The following KIAA1217 variants were observed in gnomAD, a reference collection of about 807,000 sequenced individuals.
The protein encoded by KIAA1217 is sickle tail protein homolog.
A neutral mutation model predicts 163.9 loss-of-function variants in KIAA1217; 88 were observed. The observed-to-expected ratio is 0.54, with a 90% CI of 0.45 to 0.64. The LOEUF (loss-of-function observed/expected upper bound fraction) is 0.64. KIAA1217 is among the 30% of genes least tolerant of loss of function. KIAA1217 has a pLI of 0.00. For missense variants in KIAA1217, 2,372 were observed against 2,475.0 expected, an observed-to-expected ratio of 0.96 and a Z score of 0.88; for synonymous variants, 903 against 923.1, an observed-to-expected ratio of 0.98 and a Z score of 0.39.
intron 1 of KIAA1217, among the ~76,000 whole-genome samples, chr10:23,791,296 A>G (rs186100014): frequency 1.2e-4 from 19 of 152,332 alleles, no homozygotes; most frequent in Non-Finnish European, 2.5e-4. Context: ...TGATAAGCCC[A>G]TATGTATACC....
chr10:24,093,303 TG>T (rs1445690811), intron 2 of KIAA1217, among the ~76,000 whole-genome samples: 1 of 151,788 alleles, frequency 6.6e-6, no homozygotes, highest in Non-Finnish European at 1.5e-5. Context: ...CCCTAGTAGC[TG>T]GGATTACAGG....
rs188791026 is a variant in KIAA1217, at chr10:23,781,949, C to A, written c.-321+86715C>A. 6.6e-5 allele frequency among the ~76,000 whole-genome samples: 10 copies of A among 152,146 alleles called. No individual in the cohort carries two copies. The East Asian group carries it at 1.4e-3, about 21-fold the overall frequency. On this transcript the variant is annotated intron_variant, in intron 1 of 18. Transcript: ENST00000376462. ...CTATGTGTCTGTTTTTATGCCAGTA[C>A]CACATTGTTTCAATCGCTATAGCTT... is the stretch of plus-strand genomic sequence containing the variant.
intron 2 of KIAA1217, among the ~76,000 whole-genome samples, chr10:24,256,787 G>A (rs893623252): frequency 3.3e-5 from 5 of 152,132 alleles, no homozygotes; most frequent in Non-Finnish European, 5.9e-5. Context: ...AGAGTGTTTC[G>A]TTCAGATATC....
intron 1 of KIAA1217, among the ~76,000 whole-genome samples, chr10:23,808,438 T>C (rs1184817491): frequency 1.3e-5 from 2 of 152,222 alleles, no homozygotes; most frequent in Non-Finnish European, 2.9e-5. Flanking sequence ...ACCATAGGAT[T>C]GTTGTATAAC....
chr10:23,889,795 C>T (rs1404111792), intron 1 of KIAA1217, among the ~76,000 whole-genome samples: 2 of 151,730 alleles, frequency 1.3e-5, no homozygotes, highest in Non-Finnish European at 2.9e-5. Context: ...TTGTTTTGTT[C>T]AGAAATACAA....
At chr10:24,065,651 A>G (rs1000419707) in intron 2 of KIAA1217, among the ~76,000 whole-genome samples, 3 of 152,194 alleles carry the variant, frequency 2.0e-5, no homozygotes, top group Non-Finnish European at 2.9e-5. Flanking sequence ...GTAGATGTCT[A>G]TTAGGTCTGA....
At chr10:24,225,020 G>GT (rs769954496) in intron 2 of KIAA1217, among the ~76,000 whole-genome samples, 46 of 151,980 alleles carry the variant, frequency 3.0e-4, no homozygotes, top group Admixed American at 5.9e-4. Flanking sequence ...TAGAGACGGG[G>GT]TTCACTGTGT....
At position 23,830,666 on chromosome 10, in the gene KIAA1217, A is replaced by G. The variant is rs192438870; in HGVS notation, c.-321+135432A>G. ...GACGATTGATAGAAAATGAGAAATCATAGGTAGGTAGGTAGGTAGGTAGGT... is the reference window on the plus strand; with the variant it reads ...GACGATTGATAGAAAATGAGAAATCGTAGGTAGGTAGGTAGGTAGGTAGGT... On this transcript the variant is annotated intron_variant, in intron 1 of 18. Coordinates refer to the KIAA1217 transcript ENST00000376462. 6.1e-5 allele frequency among the ~76,000 whole-genome samples: 9 copies of G among 147,870 alleles called. No individual in the cohort carries two copies. The East Asian group carries it at 1.2e-3, about 20-fold the overall frequency.
chr10:24,476,953 C>T (rs78256487), intron 6 of KIAA1217, among the ~76,000 whole-genome samples: 2,224 of 152,232 alleles, frequency 0.015, 51 homozygotes, highest in African/African-American at 0.051. Context: ...GACCTAAACA[C>T]TCCCCGCTAA....
At chr10:23,754,390 C>G (rs1225286324) in intron 1 of KIAA1217, among the ~76,000 whole-genome samples, 2 of 152,222 alleles carry the variant, frequency 1.3e-5, no homozygotes. Flanking sequence ...ATGTGACCCA[C>G]ATAAGGAGTG....
At chr10:23,809,642 A>G (rs917661877) in intron 1 of KIAA1217, among the ~76,000 whole-genome samples, 13 of 152,056 alleles carry the variant, frequency 8.5e-5, no homozygotes, top group African/African-American at 3.1e-4. Flanking sequence ...AATAATCTAT[A>G]AATTAGTAAG....
intron 2 of KIAA1217, among the ~76,000 whole-genome samples, chr10:24,353,255 A>G (rs887722233): frequency 6.6e-6 from 1 of 152,120 alleles, no homozygotes; most frequent in South Asian, 2.1e-4. Flanking sequence ...GACCTCATTT[A>G]TGGGAAAAGC....
chr10:23,806,794 T>G (rs138049902), intron 1 of KIAA1217, among the ~76,000 whole-genome samples: 1 of 152,202 alleles, frequency 6.6e-6, no homozygotes, highest in African/African-American at 2.4e-5. Flanking sequence ...CACTGTACAT[T>G]TTCGAGTTAT....
chr10:24,160,863 G>A (rs1278437643), intron 2 of KIAA1217, among the ~76,000 whole-genome samples: 1 of 152,180 alleles, frequency 6.6e-6, no homozygotes, highest in East Asian at 1.9e-4. Context: ...TGCACTTCCT[G>A]ACTTTGCTGT....
At chr10:24,149,973 A>G (rs1299677266) in intron 2 of KIAA1217, among the ~76,000 whole-genome samples, 1 of 152,226 alleles carries the variant, frequency 6.6e-6, no homozygotes, top group Non-Finnish European at 1.5e-5. Context: ...AGGAAAAACA[A>G]TAAAGCTTAA....
At chr10:24,017,734 C>G (rs1026233214) in intron 2 of KIAA1217, among the ~76,000 whole-genome samples, 3 of 152,110 alleles carry the variant, frequency 2.0e-5, no homozygotes, top group African/African-American at 7.2e-5. Context: ...TGCAGTTCCA[C>G]AGAAGCACAG....
At chr10:24,234,992 A>G (rs771988388) in intron 2 of KIAA1217, among the ~76,000 whole-genome samples, 1 of 152,248 alleles carries the variant, frequency 6.6e-6, no homozygotes, top group South Asian at 2.1e-4. Context: ...CTATGCCAGG[A>G]AACAAGACTA....
At chr10:24,493,681 T>C (rs1035529511) in intron 6 of KIAA1217, among the ~76,000 whole-genome samples, 1 of 152,202 alleles carries the variant, frequency 6.6e-6, no homozygotes, top group Admixed American at 6.5e-5. Context: ...GTTAGGGATA[T>C]TCGTGTTCCT....
chr10:23,752,820 C>T (rs1056577298), intron 1 of KIAA1217, among the ~76,000 whole-genome samples: 1 of 152,144 alleles, frequency 6.6e-6, no homozygotes, highest in Non-Finnish European at 1.5e-5. Flanking sequence ...CCATCAGAAA[C>T]CAAAGTGAAT....
Sources: gnomAD v4.1 joint callset for allele counts (sites outside exome capture counted in the v4.1 genomes callset) on GRCh38, gnomAD v4.1.1 for gene constraint, MANE v1.5 for transcripts, NCBI Gene and HGNC (gene_info 2026-07-23, HGNC 2026-07-21) for gene names.